The following PPP2R2B variants were observed in gnomAD, a reference collection of about 807,000 sequenced individuals.
PPP2R2B encodes the protein protein phosphatase 2 regulatory subunit Bbeta.
Under a neutral mutation model 46.0 loss-of-function variants are expected in PPP2R2B, and 5 were observed. The ratio of observed to expected loss-of-function variants is 0.11; its 90% confidence interval spans 0.06 to 0.23. The LOEUF is 0.23. PPP2R2B is among the 10% of genes least tolerant of loss of function. The pLI is 1.00. For synonymous variants in PPP2R2B, 215 were observed against 206.7 expected (o/e 1.04, Z -0.34); for missense variants, 367 against 575.0 (o/e 0.64, Z 3.70).
intron 2 of PPP2R2B, among the ~76,000 whole-genome samples, chr5:146,774,866 C>T (rs1755088175): frequency 2.0e-5 from 3 of 150,724 alleles, no homozygotes; most frequent in Admixed American, 6.6e-5. Context: ...TAACTGTATG[C>T]CAACAAATTG....
At chr5:146,822,619 A>G (rs1311491492) in intron 2 of PPP2R2B, among the ~76,000 whole-genome samples, 1 of 147,534 alleles carries the variant, frequency 6.8e-6, no homozygotes, top group African/African-American at 2.5e-5. Context: ...CACTCTCTAT[A>G]TCCTTAACTT....
rs564192205 is a variant in PPP2R2B, at chr5:146,848,935, C to T, written c.70+29067G>A. On this transcript the variant is annotated intron_variant, in intron 2 of 9. Coordinates refer to ENST00000394411, the MANE Select transcript of PPP2R2B (RefSeq NM_181675.4). Reference sequence around the variant, plus strand: ...TTATACTTTGGGATAGAATTCAATGCTATATTTTATTGCTCGGATTGTTCC... The same window carrying T: ...TTATACTTTGGGATAGAATTCAATGTTATATTTTATTGCTCGGATTGTTCC... Among the ~76,000 whole-genome samples the T allele has an allele frequency of 6.0e-4, 91 of 152,242 alleles. 2 individuals carry two copies. In the South Asian group the frequency reaches 0.012, roughly 19 times the overall value.
chr5:146,661,407 C>T (rs746771627), intron 5 of PPP2R2B, among the ~76,000 whole-genome samples: 18 of 151,884 alleles, frequency 1.2e-4, no homozygotes, highest in Non-Finnish European at 1.6e-4. Flanking sequence ...TTCATGAAGA[C>T]GTTTTGGATT....
At chr5:146,927,180 T>C (rs1419393845) in intron 1 of PPP2R2B, among the ~76,000 whole-genome samples, 1 of 152,190 alleles carries the variant, frequency 6.6e-6, no homozygotes, top group Non-Finnish European at 1.5e-5. Context: ...GTCATAGGCC[T>C]TTGGCTGATT....
At chr5:146,999,396 T>C (rs964625823) in intron 1 of PPP2R2B, among the ~76,000 whole-genome samples, 3 of 152,212 alleles carry the variant, frequency 2.0e-5, no homozygotes, top group African/African-American at 7.2e-5. Context: ...CCCATCATTC[T>C]CAGCCCTGGA....
intron 1 of PPP2R2B, among the ~76,000 whole-genome samples, chr5:147,051,753 CTTTTTTTTTT>C (rs60522229): frequency 8.7e-5 from 8 of 92,374 alleles, no homozygotes; most frequent in South Asian, 3.8e-4. Context: ...GTTTTGCTTC[CTTTTTTTTTT>C]TTTTTTTTTT....
At chr5:146,626,717 T>C (rs1774089844) in intron 7 of PPP2R2B, among the ~76,000 whole-genome samples, 1 of 152,178 alleles carries the variant, frequency 6.6e-6, no homozygotes, top group Non-Finnish European at 1.5e-5. Context: ...CTATGGCCAA[T>C]CTTTCCCATT....
intron 4 of PPP2R2B, among the ~76,000 whole-genome samples, chr5:146,693,533 G>T (rs984661959): frequency 3.9e-5 from 6 of 152,098 alleles, no homozygotes; most frequent in African/African-American, 1.4e-4. Flanking sequence ...TATTTCTTAA[G>T]CAACAAATAG....
intron 6 of PPP2R2B, among the ~76,000 whole-genome samples, chr5:146,648,108 G>T (rs2151091024): frequency 6.6e-6 from 1 of 152,308 alleles, no homozygotes; most frequent in Middle Eastern, 3.4e-3. Flanking sequence ...ACATTTCCTA[G>T]GCTGCCTTGC....
intron 2 of PPP2R2B, among the ~76,000 whole-genome samples, chr5:146,776,200 C>T (rs1231389606): frequency 6.6e-6 from 1 of 152,064 alleles, no homozygotes. Context: ...GTCAATTCAT[C>T]TTGAAAAAGA....
intron 1 of PPP2R2B, among the ~76,000 whole-genome samples, chr5:146,944,918 G>C (rs1027344395): frequency 6.6e-6 from 1 of 152,096 alleles, no homozygotes; most frequent in Non-Finnish European, 1.5e-5. Context: ...TTAGTGATTA[G>C]ATCAGCTTCT....
chr5:146,907,562 G>A (rs640653), intron 1 of PPP2R2B, among the ~76,000 whole-genome samples: 72,882 of 152,038 alleles, frequency 0.48, 19,232 homozygotes, highest in African/African-American at 0.69. Flanking sequence ...AAGGGCAGGT[G>A]TACCTGAACA....
chr5:146,819,183 A>T (rs1758108418), intron 2 of PPP2R2B, among the ~76,000 whole-genome samples: 1 of 152,172 alleles, frequency 6.6e-6, no homozygotes, highest in African/African-American at 2.4e-5. Context: ...AGAATCTGTA[A>T]ATCTGAGCTG....
chr5:146,729,986 G>A (rs865872773), intron 2 of PPP2R2B, among the ~76,000 whole-genome samples: 3 of 152,152 alleles, frequency 2.0e-5, no homozygotes, highest in African/African-American at 4.8e-5. Flanking sequence ...CCCCATAATG[G>A]TAGATCCACT....
chr5:146,930,769 C>A (rs534691586), intron 1 of PPP2R2B, among the ~76,000 whole-genome samples: 2 of 152,218 alleles, frequency 1.3e-5, no homozygotes, highest in South Asian at 2.1e-4. Context: ...CTTGTTGAAG[C>A]CTAAGCTCAT....
chr5:147,020,553 A>G (rs1369014652), intron 1 of PPP2R2B, among the ~76,000 whole-genome samples: 4 of 152,198 alleles, frequency 2.6e-5, no homozygotes, highest in Admixed American at 2.6e-4. Flanking sequence ...CTTTAGCAAG[A>G]GGAGGAGACC....
At chr5:146,877,886 C>T in intron 2 of PPP2R2B, 116 bp downstream of exon 2, 2 of 1,266,376 alleles carry the variant, frequency 1.6e-6, no homozygotes, top group Non-Finnish European at 2.2e-6. Context: ...GAGCCCCCGC[C>T]CCAGCCCTAG....
chr5:146,788,123 G>T (rs79834748), intron 2 of PPP2R2B, among the ~76,000 whole-genome samples: 11 of 152,020 alleles, frequency 7.2e-5, no homozygotes, highest in African/African-American at 2.7e-4. Context: ...GAGCATTTGC[G>T]CAAGTTGCCT....
intron 2 of PPP2R2B, among the ~76,000 whole-genome samples, chr5:146,708,405 GTA>G (rs1164036753): frequency 0.015 from 1,632 of 111,078 alleles, 33 homozygotes; most frequent in African/African-American, 0.064. Flanking sequence ...ATGTGTGTGT[GTA>G]TGTGTGTGTG....
Sources: allele counts gnomAD v4.1 joint callset (sites outside exome capture counted in the v4.1 genomes callset), GRCh38; gene constraint gnomAD v4.1.1; transcripts MANE v1.5; gene names NCBI Gene and HGNC (gene_info 2026-07-23, HGNC 2026-07-21).